SPEN: variants seen among roughly 807,000 people sequenced by gnomAD.
SPEN encodes the protein msx2-interacting protein.
In SPEN, 18 loss-of-function variants were observed where a neutral mutation model predicts 269.9. The observed-to-expected ratio is 0.07, with a 90% confidence interval of 0.05 to 0.10. The LOEUF (loss-of-function observed/expected upper bound fraction) is 0.10. Ranked by LOEUF, SPEN falls within the 10% of genes least tolerant of loss-of-function variation. SPEN has a pLI of 1.00. For synonymous variants in SPEN, 1,726 were observed against 1,765.7 expected (o/e 0.98, Z 0.56); for missense variants, 3,822 against 4,631.2 (o/e 0.83, Z 5.07).
In SPEN at chr1:15,929,886, C is replaced by G. The variant is rs1293275429; in HGVS notation, c.3646C>G (p.Gln1216Glu). 5 of 1,614,046 alleles carry G rather than the reference C, an allele frequency of 3.1e-6. No individual in the cohort carries two copies. The highest frequency in any genetic ancestry group is 4.2e-6 in the Non-Finnish European group (5 of 1,180,046). Residue 1216 changes from glutamine to glutamate, a missense_variant, in exon 11 of 15, where the codon CAA becomes GAA. Around this residue, in one of 16 missense-constraint regions of SPEN, gnomAD observed 46 missense variants for 94.0 expected, o/e 0.49. Coordinates refer to ENST00000375759, the MANE Select transcript of SPEN (RefSeq NM_015001.3). This position sits in a 1 kb window ranked among gnomAD's most constrained non-coding sequence, Gnocchi z 5.8. ...CGTTCACGAGGTAGGCAAACCCCCT[C>G]AAGATGTCACTGATGACTCTCCTCC... ...SLVHEVGKPP[Q>E]DVTDDSPPSK...
intron 6 of SPEN, chr1:15,918,037 G>A (rs984162130): frequency 2.0e-5 from 3 of 151,956 alleles, no homozygotes; most frequent in Non-Finnish European, 4.4e-5. Flanking sequence ...TTTTGTGGGA[G>A]TAGCATATAC....
In SPEN at chr1:15,848,767, CGGGG is replaced by C. The variant is rs1437572745; in HGVS notation, c.83+618_83+621del. 2.7e-4 allele frequency among the ~76,000 whole-genome samples: 41 copies of C among 152,196 alleles called. No homozygotes were observed. Among genetic ancestry groups the C allele is most frequent in the African/African-American group, 9.1e-4 (38 of 41,534 alleles). On this transcript the variant is annotated intron_variant, in intron 1 of 14. Transcript: ENST00000375759. This position sits in a 1 kb window ranked among gnomAD's most constrained non-coding sequence, Gnocchi z 5.1. The stretch of plus-strand genomic sequence containing the variant: ...GAATGGCAAACGTTTCTCGTTTTTG[CGGGG>C]CTGGGTGGAGAGTGGTGTGAAATAA...
At chr1:15,910,981 A>G (rs2071007000) in intron 4 of SPEN, 120 bp from the exon 5 acceptor site, 2 of 777,966 alleles carry the variant, frequency 2.6e-6, no homozygotes, top group Admixed American at 5.6e-5. Flanking sequence ...TGACATTAGT[A>G]TATTACCTGT....
At chr1:15,851,488 G>A (rs564687875) in intron 1 of SPEN, among the ~76,000 whole-genome samples, 2 of 152,276 alleles carry the variant, frequency 1.3e-5, no homozygotes, top group African/African-American at 4.8e-5. Flanking sequence ...CTGTCTTTTA[G>A]TTATGAGAGG....
intron 1 of SPEN, among the ~76,000 whole-genome samples, chr1:15,868,863 A>G (rs1040171339): frequency 6.6e-6 from 1 of 152,228 alleles, no homozygotes; most frequent in Non-Finnish European, 1.5e-5. Flanking sequence ...GGTATATGAC[A>G]TATTACAAAT....
chr1:15,880,997 T>A (rs2070682556), intron 3 of SPEN, among the ~76,000 whole-genome samples: 1 of 152,138 alleles, frequency 6.6e-6, no homozygotes, highest in Admixed American at 6.5e-5. Context: ...ATTTTTTTTT[T>A]ATTTTGAAGA....
chr1:15,933,484 T>TAGA lies in SPEN; in HGVS notation c.7244_7245insAGA (p.Ile2415_Ser2416insAsp), dbSNP rs2071243150. 2 of 1,613,834 alleles carry TAGA rather than the reference T, an allele frequency of 1.2e-6. No homozygotes were observed. Among genetic ancestry groups the TAGA allele is most frequent in the Admixed American group, 1.7e-5 (1 of 59,984 alleles). On this transcript the variant is annotated inframe_insertion, in exon 11 of 15. Coordinates refer to ENST00000375759, the MANE Select transcript of SPEN (RefSeq NM_015001.3). The surrounding 1 kb of genome is among the most constrained non-coding windows in gnomAD (Gnocchi z 5.7). ...TCCACAGAGAATTCGTCCCAAGAAATCAGTGTTGAGGAAAGGACTCCAACC... is the reference window on the plus strand; with the variant it reads ...TCCACAGAGAATTCGTCCCAAGAAATAGACAGTGTTGAGGAAAGGACTCCAACC...
intron 1 of SPEN, among the ~76,000 whole-genome samples, chr1:15,849,063 G>T (rs2070306588): frequency 6.6e-6 from 1 of 152,122 alleles, no homozygotes; most frequent in East Asian, 1.9e-4. Context: ...TTATTGAGTA[G>T]CGTGTAGTGC....
intron 5 of SPEN, among the ~76,000 whole-genome samples, chr1:15,911,698 T>A (rs2071013360): frequency 2.0e-5 from 3 of 152,216 alleles, no homozygotes; most frequent in African/African-American, 7.2e-5. Context: ...CAGTGGCTCA[T>A]GCCTGTAATC....
chr1:15,897,415 T>G (rs1299774075), intron 3 of SPEN, among the ~76,000 whole-genome samples: 1 of 150,092 alleles, frequency 6.7e-6, no homozygotes, highest in Non-Finnish European at 1.5e-5. Context: ...CAGGGTGGAG[T>G]GCAGTGGCGT....
In SPEN at chr1:15,930,778, A is replaced by T. The variant is rs780901342; in HGVS notation, c.4538A>T (p.Glu1513Val). ...GAAGGGAAAATGGATGATAAGAAAG[A>T]GGACCATAAAGAAGAAGAGCAAGAG... Reference protein sequence around the residue: ...DSEGKMDDKKEDHKEEEQERQ... With the variant: ...DSEGKMDDKKVDHKEEEQERQ... Residue 1513 changes from glutamate (E) to valine (V), a missense_variant, in exon 11 of 15, where the codon GAG (glutamate) becomes GTG (valine). Physicochemically the swap from Glu to Val is moderately radical, Grantham distance 121. Around this residue, in one of 16 missense-constraint regions of SPEN, gnomAD observed 533 missense variants for 618.8 expected, o/e 0.86. Coordinates refer to ENST00000375759, the MANE Select transcript of SPEN (RefSeq NM_015001.3). This position sits in a 1 kb window ranked among gnomAD's most constrained non-coding sequence, Gnocchi z 5.3. 2.5e-6 allele frequency: 4 copies of T among 1,614,204 alleles called. No individual in the cohort carries two copies. The highest frequency in any genetic ancestry group is 3.4e-6 in the Non-Finnish European group (4 of 1,180,036).
Position 15,929,168 on chromosome 1 carries a change from G to T in SPEN, c.2928G>T (p.Val976=). 1.2e-6 allele frequency: 2 copies of T among 1,614,172 alleles called. No homozygotes were observed. The highest frequency in any genetic ancestry group is 1.7e-6 in the Non-Finnish European group (2 of 1,180,038). The change falls in exon 11 of 15, where the codon GTG becomes GTT. Residue 976 remains valine, a synonymous_variant. Transcript: ENST00000375759. This position sits in a 1 kb window ranked among gnomAD's most constrained non-coding sequence, Gnocchi z 5.8. ...PEQPADGVSA[V]DLEKLEARKR... is the part of the protein sequence containing the mutation. The stretch of plus-strand genomic sequence containing the variant: ...AGCCTGCAGATGGGGTAAGTGCTGT[G>T]GATCTGGAGAAGCTGGAAGCCAGGA...
intron 3 of SPEN, among the ~76,000 whole-genome samples, chr1:15,889,540 G>C (rs1381670459): frequency 6.6e-6 from 1 of 152,106 alleles, no homozygotes; most frequent in Non-Finnish European, 1.5e-5. Flanking sequence ...ATCAATCTGT[G>C]TCTTAGAGTA....
intron 9 of SPEN, 33 bp downstream of exon 9, chr1:15,921,016 A>G (rs767136092): frequency 5.0e-6 from 7 of 1,413,364 alleles, no homozygotes; most frequent in Non-Finnish European, 9.9e-7. Context: ...GAAGCAAAAC[A>G]AAGTCCTATT....
chr1:15,858,951 A>T (rs1467968346), intron 1 of SPEN, among the ~76,000 whole-genome samples: 1 of 150,036 alleles, frequency 6.7e-6, no homozygotes, highest in Non-Finnish European at 1.5e-5. Flanking sequence ...CTCAAAAAAC[A>T]AACAAACAAA....
rs2070990739 is a variant in SPEN, at chr1:15,909,356, C to T, written c.917C>T (p.Pro306Leu). ...AGCAGTAGTTCAAGTGATGATTCTC[C>T]AGCTCGATCAGTTCAGTCTGCAGCA... ...DSSSSSSDDS[P>L]ARSVQSAAVP... Residue 306 changes from proline to leucine, a missense_variant, in exon 4 of 15, where the codon CCA becomes CTA. Transcript: ENST00000375759. The T allele has an allele frequency of 6.2e-6, 10 of 1,613,100 alleles. No individual in the cohort carries two copies. Among genetic ancestry groups the T allele is most frequent in the Non-Finnish European group, 8.5e-6 (10 of 1,179,708 alleles).
intron 3 of SPEN, among the ~76,000 whole-genome samples, chr1:15,880,858 T>C (rs2070681600): frequency 6.6e-6 from 1 of 152,186 alleles, no homozygotes; most frequent in Non-Finnish European, 1.5e-5. Flanking sequence ...ATGAAGGATA[T>C]GCAGGACTTC....
chr1:15,867,897 G>C (rs1397388997), intron 1 of SPEN, among the ~76,000 whole-genome samples: 1 of 152,030 alleles, frequency 6.6e-6, no homozygotes, highest in Non-Finnish European at 1.5e-5. Context: ...GCAATGGCGT[G>C]ATCTCAGCCC....
intron 1 of SPEN, among the ~76,000 whole-genome samples, chr1:15,863,712 C>A (rs1354554461): frequency 6.6e-6 from 1 of 151,676 alleles, no homozygotes; most frequent in Non-Finnish European, 1.5e-5. Context: ...GTGGTGGTGC[C>A]TGCCTGTAGT....
Sources: allele counts gnomAD v4.1 joint callset (sites outside exome capture counted in the v4.1 genomes callset), GRCh38; gene constraint gnomAD v4.1.1; regional missense constraint gnomAD v4.1.1; non-coding constraint Gnocchi (gnomAD v3.1); transcripts MANE v1.5; gene names NCBI Gene and HGNC (gene_info 2026-07-23, HGNC 2026-07-21).